MTUS1: variants seen among roughly 807,000 people sequenced by gnomAD.
MTUS1 encodes microtubule associated scaffold protein 1, also known as microtubule-associated tumor suppressor 1.
A neutral mutation model predicts 120.8 loss-of-function variants in MTUS1; 109 were observed. That is an observed-to-expected ratio of 0.90 (90% confidence interval 0.77 to 1.06). The LOEUF (loss-of-function observed/expected upper bound fraction) is 1.06. Ranked by LOEUF, MTUS1 falls within the 50% of genes least tolerant of loss-of-function variation. The probability of loss-of-function intolerance (pLI) is 0.00; values close to 1 mark genes in which losing one functional copy is unlikely to be tolerated. For missense variants in MTUS1, 2,210 were observed against 1,486.3 expected (o/e 1.49, Z -8.01); for synonymous variants, 737 against 550.5 (o/e 1.34, Z -4.74).
At chr8:17,710,319 C>A (rs1399789410) in intron 6 of MTUS1, among the ~76,000 whole-genome samples, 1 of 152,208 alleles carries the variant, frequency 6.6e-6, no homozygotes, top group Non-Finnish European at 1.5e-5. Flanking sequence ...TCCTCTCAAA[C>A]CCTGCCACTG....
intron 1 of MTUS1, among the ~76,000 whole-genome samples, chr8:17,784,960 T>C (rs2051185676): frequency 6.6e-6 from 1 of 151,948 alleles, no homozygotes; most frequent in Non-Finnish European, 1.5e-5. Context: ...AATTTTTGTA[T>C]TTTTTGTAGA....
At chr8:17,714,431 C>T (rs1049958353) in intron 5 of MTUS1, among the ~76,000 whole-genome samples, 2 of 152,110 alleles carry the variant, frequency 1.3e-5, no homozygotes, top group Non-Finnish European at 2.9e-5. Flanking sequence ...TGCAGGTTAA[C>T]CCAGTAATTC....
At chr8:17,659,006 C>T (rs2130353796) in intron 8 of MTUS1, among the ~76,000 whole-genome samples, 1 of 152,194 alleles carries the variant, frequency 6.6e-6, no homozygotes, top group South Asian at 2.1e-4. Context: ...TTTCTCGTTG[C>T]CTGGCACAGA....
At chr8:17,678,956 A>C (rs1168911789) in intron 7 of MTUS1, among the ~76,000 whole-genome samples, 1 of 152,212 alleles carries the variant, frequency 6.6e-6, no homozygotes, top group Non-Finnish European at 1.5e-5. Flanking sequence ...AATTAGAAAA[A>C]AACTAAAATA....
chr8:17,679,487 T>TTTTA (rs869060972), intron 7 of MTUS1, among the ~76,000 whole-genome samples: 3,087 of 32,330 alleles, frequency 0.095, 100 homozygotes, highest in African/African-American at 0.17. Context: ...ACTATTTTTA[T>TTTTA]TTTATTTATT....
chr8:17,678,433 T>TC (rs5889729), intron 7 of MTUS1, among the ~76,000 whole-genome samples: 86,081 of 151,592 alleles, frequency 0.57, 25,344 homozygotes, highest in Middle Eastern at 0.7. Context: ...TATGAAATGC[T>TC]CAAGAAAAAA....
chr8:17,768,347 G>A (rs957985519), intron 1 of MTUS1, among the ~76,000 whole-genome samples: 1 of 152,094 alleles, frequency 6.6e-6, no homozygotes, highest in Non-Finnish European at 1.5e-5. Flanking sequence ...TAAAAGAGAG[G>A]TTCAAAACAT....
chr8:17,722,644 C>T (rs780530658), intron 4 of MTUS1: 5 of 823,272 alleles, frequency 6.1e-6, no homozygotes, highest in South Asian at 5.5e-5. Context: ...TAATTCAATG[C>T]CTTCTCTACA....
At chr8:17,728,156 T>C (rs962335371) in intron 3 of MTUS1, among the ~76,000 whole-genome samples, 1 of 152,060 alleles carries the variant, frequency 6.6e-6, no homozygotes, top group African/African-American at 2.4e-5. Context: ...GGAAGGGAAA[T>C]GGGGAGTTGT....
chr8:17,796,252 G>A (rs1310899188), intron 1 of MTUS1, among the ~76,000 whole-genome samples: 1 of 152,304 alleles, frequency 6.6e-6, no homozygotes, highest in Non-Finnish European at 1.5e-5. Context: ...CCAGCCCCAA[G>A]AACATTCTTA....
chr8:17,721,711 CT>C (rs35946468), intron 4 of MTUS1: 69 of 1,553,302 alleles, frequency 4.4e-5, no homozygotes, highest in African/African-American at 4.1e-5. Context: ...CGTCGACCTA[CT>C]TTTTTTCCCA....
intron 1 of MTUS1, among the ~76,000 whole-genome samples, chr8:17,769,812 T>C (rs1286956246): frequency 6.6e-6 from 1 of 151,010 alleles, no homozygotes; most frequent in Admixed American, 6.6e-5. Context: ...GCTCAGATCA[T>C]TTTAAATCAT....
chr8:17,799,087 G>A (rs1024057608), intron 1 of MTUS1, among the ~76,000 whole-genome samples: 2 of 151,848 alleles, frequency 1.3e-5, no homozygotes, highest in Admixed American at 1.3e-4. Context: ...TATTCTCACA[G>A]AGAGCTGGTG....
At chr8:17,751,575 G>C (rs906017281) in intron 2 of MTUS1, among the ~76,000 whole-genome samples, 1 of 149,798 alleles carries the variant, frequency 6.7e-6, no homozygotes, top group Admixed American at 6.7e-5. Context: ...TGAAAAAAGA[G>C]TAGGCCGGGG....
rs758940764 is a variant in MTUS1, at chr8:17,754,031, G to C, written c.1777C>G (p.His593Asp). The C allele has an allele frequency of 1.9e-6, 3 of 1,614,156 alleles. No homozygotes were observed. Among genetic ancestry groups the C allele is most frequent in the South Asian group, 2.2e-5 (2 of 91,084 alleles). ...ITSQAVHVTT[H>D]SKNASHRVPR... The stretch of plus-strand genomic sequence containing the variant: ...ACCCTGTGTGAAGCATTTTTAGAAT[G>C]AGTTGTAACATGCACAGCCTGGCTA... Residue 593 changes from histidine (H) to aspartate (D), a missense_variant, in exon 2 of 15, where the codon CAT becomes GAT. Coordinates refer to ENST00000693296, the MANE Select transcript of MTUS1 (RefSeq NM_001363059.2).
chr8:17,666,787 C>T (rs540232720), intron 8 of MTUS1, among the ~76,000 whole-genome samples: 31 of 152,264 alleles, frequency 2.0e-4, no homozygotes, highest in Non-Finnish European at 2.9e-4. Context: ...GCTGCCTCTC[C>T]TTCTGTAATT....
rs539844605 is a variant in MTUS1 at position 17,716,342 on chromosome 8, C to T, written c.2450-441G>A. On this transcript the variant is annotated intron_variant, in intron 4 of 14. Coordinates refer to ENST00000693296, the MANE Select transcript of MTUS1 (RefSeq NM_001363059.2). ...AGACTCCTTGGTAGCTATAAGGACA[C>T]GCTCTGGTTCAAATCCTTGCTCCTA... The T allele has an allele frequency of 5.8e-4, 90 of 155,794 alleles. 1 individual carries two copies. In the South Asian group the frequency reaches 0.016, roughly 28 times the overall value. The allele number at this position is 155,794 out of a possible 1,614,324, so 9.7% of individuals were successfully genotyped here. A position where few individuals can be genotyped will look rare whatever the true frequency, so the allele number is the denominator to read the frequency against.
chr8:17,722,462 T>A (rs753870161), intron 4 of MTUS1: 25 of 985,424 alleles, frequency 2.5e-5, no homozygotes, highest in Non-Finnish European at 3.0e-5. Flanking sequence ...AAGCCTGATT[T>A]TGTGCCACAC....
intron 8 of MTUS1, among the ~76,000 whole-genome samples, chr8:17,657,113 T>C (rs759024281): frequency 4.6e-5 from 7 of 150,826 alleles, no homozygotes; most frequent in Non-Finnish European, 7.4e-5. Context: ...TGTAGTTAAT[T>C]TGAGTTGATT....
Sources: gnomAD v4.1 joint callset for allele counts (sites outside exome capture counted in the v4.1 genomes callset) on GRCh38, gnomAD v4.1.1 for gene constraint, MANE v1.5 for transcripts, NCBI Gene and HGNC (gene_info 2026-07-23, HGNC 2026-07-21) for gene names.